MACO1: variants seen among roughly 807,000 people sequenced by gnomAD.
MACO1 encodes macoilin.
In MACO1, 14 loss-of-function variants were observed where a neutral mutation model predicts 78.7. That is an observed-to-expected ratio of 0.18 (90% confidence interval 0.12 to 0.28). The LOEUF is 0.28. MACO1 is among the 10% of genes least tolerant of loss of function. The pLI, the probability that MACO1 is intolerant of heterozygous loss-of-function variation, is 1.00. For missense variants in MACO1, 501 were observed against 799.0 expected (o/e 0.63, Z 4.50); for synonymous variants, 288 against 291.6 (o/e 0.99, Z 0.12).
In MACO1 at chr1:25,454,303, G is replaced by A. The variant is rs1557663018; in HGVS notation, c.394G>A (p.Val132Ile). 6.2e-7 allele frequency: 1 copy of A among 1,609,660 alleles called. No homozygotes were observed. Among genetic ancestry groups the A allele is most frequent in the Non-Finnish European group, 8.5e-7 (1 of 1,178,242 alleles). The change falls in exon 4 of 11, where the codon GTT (valine) becomes ATT (isoleucine). Residue 132 changes from valine to isoleucine, a missense_variant. Val to Ile is a conservative substitution (Grantham distance 29). Around this residue, in one of 5 missense-constraint regions of MACO1, gnomAD observed 171 missense variants for 292.1 expected, o/e 0.59. Coordinates refer to ENST00000374343, the MANE Select transcript of MACO1 (RefSeq NM_018202.6). ...TACAGTGTCTCTCTGGATCCTCTTT[G>A]TTTATATTGAAGCAGCCATTAGATT... is the stretch of plus-strand genomic sequence containing the variant. The part of the protein sequence containing the change: ...LPTVSLWILF[V>I]YIEAAIRFKD...
intron 6 of MACO1, among the ~76,000 whole-genome samples, chr1:25,469,741 A>AT (rs1431340887): frequency 6.8e-6 from 1 of 146,662 alleles, no homozygotes; most frequent in African/African-American, 2.6e-5. Flanking sequence ...GGTTCAAGTG[A>AT]TTCTCCTGCC....
intron 3 of MACO1, among the ~76,000 whole-genome samples, chr1:25,450,047 TA>T (rs1216110765): frequency 6.6e-6 from 1 of 151,490 alleles, no homozygotes; most frequent in Non-Finnish European, 1.5e-5. Context: ...CAACACAAAA[TA>T]AAAAAAATAT....
At chr1:25,478,903 C>G (rs1475030369) in intron 6 of MACO1, among the ~76,000 whole-genome samples, 1 of 152,214 alleles carries the variant, frequency 6.6e-6, no homozygotes, top group African/African-American at 2.4e-5. Context: ...GCATTTATTT[C>G]CTGACTAAGC....
chr1:25,441,700 C>T lies in MACO1; in HGVS notation c.81-5062C>T, dbSNP rs544726316. On this transcript the variant is annotated intron_variant, in intron 1 of 10. Coordinates refer to ENST00000374343, the MANE Select transcript of MACO1 (RefSeq NM_018202.6). ...TGCTACGTGAATATGTAATGGGGTC[C>T]TAGTCTTTACTTTGGGGTTAGGGCG... Among the ~76,000 whole-genome samples, 3 of 152,228 alleles carry T rather than the reference C, an allele frequency of 2.0e-5. No homozygotes were observed. The East Asian group carries it at 5.8e-4, about 29-fold the overall frequency.
intron 6 of MACO1, among the ~76,000 whole-genome samples, chr1:25,476,312 G>A (rs952693018): frequency 4.6e-5 from 7 of 152,220 alleles, no homozygotes. Context: ...GAGACATAAA[G>A]TACTTTGTAA....
intron 1 of MACO1, among the ~76,000 whole-genome samples, chr1:25,441,511 A>G (rs1363011232): frequency 6.6e-6 from 1 of 152,240 alleles, no homozygotes; most frequent in Non-Finnish European, 1.5e-5. Flanking sequence ...GAGAAAAAAA[A>G]TAGTTAAGAT....
At chr1:25,448,667 C>T (rs1307071878) in intron 2 of MACO1, 141 bp from the exon 3 acceptor site, 2 of 657,170 alleles carry the variant, frequency 3.0e-6, no homozygotes, top group Non-Finnish European at 4.5e-6. Flanking sequence ...TTTAAAATTT[C>T]CTTTTGTGAA....
At position 25,498,508 on chromosome 1, in the gene MACO1, G is replaced by C; in HGVS notation, c.*42G>C. The stretch of plus-strand genomic sequence containing the variant: ...GTGCCCAAAAATTTGGTTACCGGAA[G>C]GCATTGCAAAGGAGCGTCTCTGGCA... On this transcript the variant is annotated 3_prime_UTR_variant, in exon 11 of 11. Coordinates refer to ENST00000374343, the MANE Select transcript of MACO1 (RefSeq NM_018202.6). The C allele has an allele frequency of 6.5e-7, 1 of 1,539,660 alleles. No homozygotes were observed. Among genetic ancestry groups the C allele is most frequent in the Non-Finnish European group, 8.7e-7 (1 of 1,142,948 alleles).
In MACO1 at chr1:25,431,184, C is replaced by T; in HGVS notation, c.80+6C>T. On this transcript the variant is annotated splice_donor_region_variant and intron_variant, in intron 1 of 10. Coordinates refer to ENST00000374343, the MANE Select transcript of MACO1 (RefSeq NM_018202.6). ...ACCGAGGGCATTTACGGCAGGTGAG[C>T]GGCTGCACCCCCACTCCGCGGGCGC... 1.3e-6 allele frequency: 2 copies of T among 1,586,574 alleles called. No individual in the cohort carries two copies. The highest frequency in any genetic ancestry group is 8.5e-7 in the Non-Finnish European group (1 of 1,169,932).
At chr1:25,437,827 G>A (rs1011908261) in intron 1 of MACO1, among the ~76,000 whole-genome samples, 6 of 152,082 alleles carry the variant, frequency 3.9e-5, no homozygotes, top group African/African-American at 1.4e-4. Flanking sequence ...AGGCTGAGGC[G>A]GGAGGATCAC....
At chr1:25,488,934 C>T (rs1380448514) in intron 8 of MACO1, among the ~76,000 whole-genome samples, 5 of 152,188 alleles carry the variant, frequency 3.3e-5, no homozygotes, top group Admixed American at 3.3e-4. Flanking sequence ...TCTTCTGCCT[C>T]AGCCTCCCCA....
chr1:25,462,386 T>C (rs1194831016), intron 6 of MACO1, among the ~76,000 whole-genome samples: 1 of 152,142 alleles, frequency 6.6e-6, no homozygotes, highest in Non-Finnish European at 1.5e-5. Context: ...GGGCTTCTAT[T>C]GATCCCATCA....
chr1:25,469,228 A>G (rs1358595599), intron 6 of MACO1, among the ~76,000 whole-genome samples: 1 of 152,188 alleles, frequency 6.6e-6, no homozygotes, highest in East Asian at 1.9e-4. Flanking sequence ...GAGCATATAT[A>G]TTGATAACAA....
At chr1:25,445,435 TTA>T (rs1185941107) in intron 1 of MACO1, among the ~76,000 whole-genome samples, 7 of 152,192 alleles carry the variant, frequency 4.6e-5, no homozygotes, top group Non-Finnish European at 1.0e-4. Flanking sequence ...AGATGACAAA[TTA>T]TGTATCACTG....
chr1:25,435,209 G>C (rs1254654094), intron 1 of MACO1, among the ~76,000 whole-genome samples: 2 of 152,120 alleles, frequency 1.3e-5, no homozygotes, highest in Non-Finnish European at 2.9e-5. Flanking sequence ...CTTTCACTGT[G>C]TATTTAAGAC....
At chr1:25,464,369 G>A (rs1253258202) in intron 6 of MACO1, among the ~76,000 whole-genome samples, 59 of 99,700 alleles carry the variant, frequency 5.9e-4, no homozygotes, top group African/African-American at 2.2e-3. Context: ...TTTTGAGATG[G>A]GTTCTCACTC....
chr1:25,466,848 AG>A (rs971131499), intron 6 of MACO1, among the ~76,000 whole-genome samples: 1 of 152,060 alleles, frequency 6.6e-6, no homozygotes, highest in Non-Finnish European at 1.5e-5. Flanking sequence ...TTGTTTGTGC[AG>A]TTTTTGTGTC....
At chr1:25,487,673 G>T (rs1196537121) in intron 8 of MACO1, among the ~76,000 whole-genome samples, 1 of 152,194 alleles carries the variant, frequency 6.6e-6, no homozygotes, top group Non-Finnish European at 1.5e-5. Context: ...CTCCAGTCTT[G>T]TGGCAACTTT....
intron 1 of MACO1, among the ~76,000 whole-genome samples, chr1:25,445,002 G>C (rs1042900190): frequency 2.0e-5 from 3 of 151,478 alleles, no homozygotes; most frequent in Admixed American, 6.6e-5. Context: ...CTAAAAGGTG[G>C]GACTTAGGAT....
Sources: gnomAD v4.1 joint callset for allele counts (sites outside exome capture counted in the v4.1 genomes callset) on GRCh38, gnomAD v4.1.1 for gene constraint, gnomAD v4.1.1 regional missense constraint, MANE v1.5 for transcripts, NCBI Gene and HGNC (gene_info 2026-07-23, HGNC 2026-07-21) for gene names.